Variants in GPC6 observed in about 807,000 individuals in gnomAD.
The protein encoded by GPC6 is glypican-6.
A neutral mutation model predicts 55.2 loss-of-function variants in GPC6; 14 were observed. That is an observed-to-expected ratio of 0.25 (90% CI 0.17 to 0.40). GPC6 has a LOEUF of 0.40. Among genes scored for constraint, GPC6 ranks in the 10% least tolerant of loss-of-function variants. The probability of loss-of-function intolerance (pLI) is 1.00; values close to 1 mark genes in which losing one functional copy is unlikely to be tolerated. For synonymous variants in GPC6, 278 were observed against 259.6 expected (o/e 1.07, Z -0.68); for missense variants, 641 against 708.5 (o/e 0.90, Z 1.08).
At chr13:93,644,771 T>C (rs1461349601) in intron 2 of GPC6, among the ~76,000 whole-genome samples, 2 of 11,616 alleles carry the variant, frequency 1.7e-4, no homozygotes, top group African/African-American at 1.5e-3. Flanking sequence ...CAAGAGTAAA[T>C]AAATAAATAA....
At chr13:93,642,859 A>C (rs1483810429) in intron 2 of GPC6, among the ~76,000 whole-genome samples, 1 of 152,104 alleles carries the variant, frequency 6.6e-6, no homozygotes, top group Non-Finnish European at 1.5e-5. Context: ...CAGTGGTTTC[A>C]TCAGCTTCAG....
chr13:93,722,383 C>A (rs1008149081), intron 2 of GPC6, among the ~76,000 whole-genome samples: 2 of 151,688 alleles, frequency 1.3e-5, no homozygotes, highest in African/African-American at 2.4e-5. Flanking sequence ...CAAATACTTC[C>A]AAATTTTACT....
At chr13:93,977,504 G>T (rs1409777514) in intron 3 of GPC6, among the ~76,000 whole-genome samples, 1 of 147,340 alleles carries the variant, frequency 6.8e-6, no homozygotes, top group African/African-American at 2.6e-5. Context: ...GTGTGTGTGT[G>T]TGTGTGTGTG....
intron 6 of GPC6, among the ~76,000 whole-genome samples, chr13:94,339,924 C>G (rs370704099): frequency 1.3e-5 from 2 of 151,844 alleles, no homozygotes; most frequent in Non-Finnish European, 2.9e-5. Flanking sequence ...CCACCACACC[C>G]AGCTAATTTT....
intron 4 of GPC6, among the ~76,000 whole-genome samples, chr13:94,148,063 C>T (rs1056187457): frequency 6.6e-6 from 1 of 152,124 alleles, no homozygotes; most frequent in Admixed American, 6.6e-5. Context: ...ATATATATTG[C>T]CAGCTACCCT....
At chr13:94,232,134 G>A (rs1032522921) in intron 4 of GPC6, among the ~76,000 whole-genome samples, 1 of 152,174 alleles carries the variant, frequency 6.6e-6, no homozygotes, top group African/African-American at 2.4e-5. Context: ...CCAAGATATA[G>A]CAATAGCTTC....
chr13:94,389,795 C>T (rs1421613731), intron 7 of GPC6, among the ~76,000 whole-genome samples: 1 of 152,188 alleles, frequency 6.6e-6, no homozygotes. Context: ...AGACTCCTCC[C>T]TCTCCCCCAT....
At chr13:93,778,843 T>C (rs998267532) in intron 2 of GPC6, among the ~76,000 whole-genome samples, 6 of 152,164 alleles carry the variant, frequency 3.9e-5, no homozygotes, top group Admixed American at 1.3e-4. Context: ...AGTTTCTGGG[T>C]TGGCTGGATA....
intron 4 of GPC6, among the ~76,000 whole-genome samples, chr13:94,038,548 C>T (rs1883419069): frequency 6.6e-6 from 1 of 151,902 alleles, no homozygotes; most frequent in South Asian, 2.1e-4. Context: ...AATCCTGACT[C>T]CACCACTTAT....
rs573142418 is a variant in GPC6, at chr13:94,021,151, C to T, written c.712-6578C>T. Among the ~76,000 whole-genome samples the T allele has an allele frequency of 2.8e-4, 43 of 152,012 alleles. No individual in the cohort carries two copies. In the South Asian group the frequency reaches 5.0e-3, roughly 18 times the overall value. On this transcript the variant is annotated intron_variant, in intron 3 of 8. Transcript: ENST00000377047. ...GTATTCTAGCTGAATGTTTTACTTA[C>T]ATTAACTTATCTATCTTTTGAGAGC...
chr13:93,951,673 AG>A (rs1273922180), intron 3 of GPC6, among the ~76,000 whole-genome samples: 1 of 152,154 alleles, frequency 6.6e-6, no homozygotes, highest in Admixed American at 6.5e-5. Flanking sequence ...TCATCCGTAT[AG>A]TAATGGTTAT....
chr13:93,630,591 C>T (rs974882029), intron 2 of GPC6, among the ~76,000 whole-genome samples: 5 of 152,094 alleles, frequency 3.3e-5, no homozygotes, highest in Non-Finnish European at 7.4e-5. Flanking sequence ...TCTTGGTACA[C>T]TTAAGGAACA....
chr13:93,504,466 A>G (rs1880633162), intron 1 of GPC6, among the ~76,000 whole-genome samples: 1 of 146,016 alleles, frequency 6.8e-6, no homozygotes, highest in African/African-American at 2.6e-5. Flanking sequence ...CACATTATAA[A>G]AATAAAAACA....
chr13:93,784,456 A>AT (rs1459386002), intron 2 of GPC6, among the ~76,000 whole-genome samples: 1 of 152,134 alleles, frequency 6.6e-6, no homozygotes, highest in African/African-American at 2.4e-5. Flanking sequence ...CTGAGTAGGT[A>AT]TTTTCCAAAC....
At chr13:93,809,243 A>G (rs1185795852) in intron 2 of GPC6, among the ~76,000 whole-genome samples, 4 of 152,194 alleles carry the variant, frequency 2.6e-5, no homozygotes, top group African/African-American at 9.7e-5. Context: ...AATAAAGGAT[A>G]GAGTTCCCAG....
chr13:94,101,556 AAATGAT>A (rs1885861523), intron 4 of GPC6, among the ~76,000 whole-genome samples: 1 of 152,220 alleles, frequency 6.6e-6, no homozygotes, highest in Non-Finnish European at 1.5e-5. Context: ...ACTCCCTCAT[AAATGAT>A]TTAGATATTC....
At chr13:94,034,309 A>C (rs1430590555) in intron 4 of GPC6, among the ~76,000 whole-genome samples, 1 of 152,166 alleles carries the variant, frequency 6.6e-6, no homozygotes, top group African/African-American at 2.4e-5. Flanking sequence ...TACATTTGCT[A>C]TCAATTACCT....
intron 1 of GPC6, among the ~76,000 whole-genome samples, chr13:93,430,881 A>G (rs1408285123): frequency 6.6e-6 from 1 of 152,136 alleles, no homozygotes; most frequent in Admixed American, 6.6e-5. Flanking sequence ...AGCAATTTTA[A>G]ACTGTTCAAC....
chr13:93,611,696 C>T (rs1258344932), intron 2 of GPC6, among the ~76,000 whole-genome samples: 4 of 152,078 alleles, frequency 2.6e-5, no homozygotes, highest in African/African-American at 9.7e-5. Context: ...CTTTAAGAGG[C>T]TTTTTGTTGT....
Sources: allele counts gnomAD v4.1 joint callset (sites outside exome capture counted in the v4.1 genomes callset), GRCh38; gene constraint gnomAD v4.1.1; transcripts MANE v1.5; gene names NCBI Gene and HGNC (gene_info 2026-07-23, HGNC 2026-07-21).